Variants in MCF2L observed in about 807,000 individuals in gnomAD.
The protein encoded by MCF2L is guanine nucleotide exchange factor DBS.
Under a neutral mutation model 153.4 loss-of-function variants are expected in MCF2L, and 97 were observed. That is an observed-to-expected ratio of 0.63 (90% CI 0.54 to 0.75). The LOEUF (loss-of-function observed/expected upper bound fraction) is 0.75, where lower values mean the gene tolerates loss of function less well. MCF2L is among the 30% of genes least tolerant of loss of function. The probability of loss-of-function intolerance (pLI) is 0.00; values close to 1 mark genes in which losing one functional copy is unlikely to be tolerated. For synonymous variants in MCF2L, 659 were observed against 632.2 expected (o/e 1.04, Z -0.64); for missense variants, 1,347 against 1,495.2 (o/e 0.90, Z 1.64).
At chr13:112,898,785 C>T (rs941144325) in intron 1 of MCF2L, among the ~76,000 whole-genome samples, 3 of 152,230 alleles carry the variant, frequency 2.0e-5, no homozygotes, top group Non-Finnish European at 2.9e-5. Context: ...CCTCTGCCTC[C>T]CGCTTCTCTC....
At chr13:112,924,757 G>T (rs901218020) in intron 2 of MCF2L, among the ~76,000 whole-genome samples, 1 of 152,178 alleles carries the variant, frequency 6.6e-6, no homozygotes, top group Non-Finnish European at 1.5e-5. Flanking sequence ...AACCCACTTA[G>T]AGAAACAAAC....
At chr13:113,089,303 C>T (rs1348333172) in intron 25 of MCF2L, among the ~76,000 whole-genome samples, 1 of 143,328 alleles carries the variant, frequency 7.0e-6, no homozygotes, top group Non-Finnish European at 1.5e-5. Context: ...TGGGCATCTG[C>T]TCTCATCCAG....
At chr13:112,902,485 G>A (rs1594297103) in intron 2 of MCF2L, 2 of 1,108,330 alleles carry the variant, frequency 1.8e-6, no homozygotes, top group Non-Finnish European at 2.5e-6. Flanking sequence ...TTAGATCCTG[G>A]GAATGCATGA....
chr13:113,075,916 C>T (rs2141930762), intron 11 of MCF2L, 50 bp from the exon 12 acceptor site: 2 of 1,422,172 alleles, frequency 1.4e-6, no homozygotes, highest in Admixed American at 2.0e-5. Context: ...CAGGGTGACG[C>T]TCTCACCCTC....
Position 113,094,569 on chromosome 13 carries a change from A to G in MCF2L, c.3009A>G (p.Ser1003=). The G allele has an allele frequency of 6.2e-7, 1 of 1,612,620 alleles. No homozygotes were observed. Among genetic ancestry groups the G allele is most frequent in the African/African-American group, 1.3e-5 (1 of 75,066 alleles). ...LEAPEDDGGW[S]SAEEQINSSD... is the part of the protein sequence containing the mutation. The stretch of plus-strand genomic sequence containing the variant: ...CACCTGAGGACGACGGGGGCTGGTC[A>G]AGTGCAGAGGAGCAGATTAACTCGT... Residue 1003 remains serine (S), a synonymous_variant, in exon 27 of 30, where the codon TCA becomes TCG. Coordinates refer to ENST00000535094, the MANE Select transcript of MCF2L (RefSeq NM_001112732.3).
At chr13:112,953,815 C>T (rs538661495) in intron 2 of MCF2L, among the ~76,000 whole-genome samples, 1 of 152,330 alleles carries the variant, frequency 6.6e-6, no homozygotes, top group South Asian at 2.1e-4. Context: ...GAGCGTTCAG[C>T]CACCTGGTAG....
At position 113,098,195 on chromosome 13, in the gene MCF2L, T is replaced by TGAG. The variant is rs1401981621; in HGVS notation, c.*1337_*1338insAGG. On this transcript the variant is annotated 3_prime_UTR_variant, in exon 30 of 30. Transcript: ENST00000535094. The stretch of plus-strand genomic sequence containing the variant: ...AGCCCCAGCACAGTGGAGGCAGGCG[T>TGAG]GGCTGCATTCCCCTCACGCTACCCT... 1 of 152,518 alleles carries TGAG rather than the reference T, an allele frequency of 6.6e-6. No individual in the cohort carries two copies. The highest frequency in any genetic ancestry group is 1.5e-5 in the Non-Finnish European group (1 of 68,048). 9.4% of individuals were successfully genotyped at this position (152,518 alleles called of 1,614,324 possible).
chr13:113,001,984 G>T (rs371755391), intron 1 of MCF2L: 2 of 1,580,654 alleles, frequency 1.3e-6, no homozygotes, highest in Admixed American at 3.4e-5. Flanking sequence ...GCCGGCGCAG[G>T]TGCGTGGGGC....
At chr13:112,991,185 G>A (rs1261268805) in intron 1 of MCF2L, among the ~76,000 whole-genome samples, 1 of 152,224 alleles carries the variant, frequency 6.6e-6, no homozygotes, top group Non-Finnish European at 1.5e-5. Context: ...GGCTTTCTGC[G>A]AAATCCGGCC....
intron 26 of MCF2L, among the ~76,000 whole-genome samples, chr13:113,093,247 G>C (rs1185149092): frequency 6.6e-6 from 1 of 152,262 alleles, no homozygotes; most frequent in Admixed American, 6.5e-5. Flanking sequence ...AGGAGGCCAA[G>C]CTGCAGGTCT....
Position 112,904,371 on chromosome 13 carries a change from T to C in MCF2L, c.169+2000T>C, listed in dbSNP as rs764984448. Among the ~76,000 whole-genome samples the C allele has an allele frequency of 6.6e-6, 1 of 152,128 alleles. No individual in the cohort carries two copies. Among genetic ancestry groups the C allele is most frequent in the Non-Finnish European group, 1.5e-5 (1 of 68,008 alleles). On this transcript the variant is annotated intron_variant, in intron 2 of 29. Transcript: ENST00000375608. The surrounding 1 kb of genome is among the most constrained non-coding windows in gnomAD (Gnocchi z 4.2). ...AGAGCCTGGGCCCACGCTCTGGCTT[T>C]GTTCCTGCCCCTGCTGACCCCACAA...
Position 113,095,006 on chromosome 13 carries a change from G to A in MCF2L, c.3075+371G>A, listed in dbSNP as rs868116748. ...CCTCCTGTAGAGCCCACTCGTGGGTGCACCTTCCTCAGAGGAGACAGTCCC... is the reference window on the plus strand; with the variant it reads ...CCTCCTGTAGAGCCCACTCGTGGGTACACCTTCCTCAGAGGAGACAGTCCC... On this transcript the variant is annotated intron_variant, in intron 27 of 29. Transcript: ENST00000535094. 9 of 1,376,640 alleles carry A rather than the reference G, an allele frequency of 6.5e-6. 1 individual carries two copies. The Middle Eastern group carries it at 1.9e-3, about 285-fold the overall frequency. The allele number at this position is 1,376,640 out of a possible 1,614,324, so 85.3% of individuals were successfully genotyped here. A position where few individuals can be genotyped will look rare whatever the true frequency, so the allele number is the denominator to read the frequency against.
chr13:113,074,439 T>C lies in MCF2L; in HGVS notation c.997-5T>C. On this transcript the variant is annotated splice_polypyrimidine_tract_variant and splice_region_variant and intron_variant, in intron 9 of 29. Transcript: ENST00000535094. This position sits in a 1 kb window ranked among gnomAD's most constrained non-coding sequence, Gnocchi z 4.2. ...CCCCCTGAGATGGGCCCTCCTCTGT[T>C]CCAGGTCAAAGCCATCTTGGACGCA... The C allele has an allele frequency of 6.2e-7, 1 of 1,612,488 alleles. No individual in the cohort carries two copies. Among genetic ancestry groups the C allele is most frequent in the Non-Finnish European group, 8.5e-7 (1 of 1,178,742 alleles).
chr13:113,089,939 C>G, intron 26 of MCF2L: 1 of 1,597,464 alleles, frequency 6.3e-7, no homozygotes, highest in Non-Finnish European at 8.5e-7. Flanking sequence ...ATCAGCAAGG[C>G]CAGCCCCAGA....
At chr13:113,034,534 C>A (rs1427444808) in intron 3 of MCF2L, among the ~76,000 whole-genome samples, 4 of 152,114 alleles carry the variant, frequency 2.6e-5, no homozygotes, top group African/African-American at 9.7e-5. Context: ...TGCCCTCACC[C>A]TCACCCTCAC....
chr13:112,974,240 G>A (rs1289421586), intron 1 of MCF2L, among the ~76,000 whole-genome samples: 4 of 152,120 alleles, frequency 2.6e-5, no homozygotes, highest in Non-Finnish European at 5.9e-5. Context: ...AGAACTAGGG[G>A]CACCAGTTCC....
rs2086745090 is a variant in MCF2L at position 113,045,356 on chromosome 13, A to G, written c.364A>G (p.Ile122Val). 1 of 1,613,780 alleles carries G rather than the reference A, an allele frequency of 6.2e-7. No homozygotes were observed. The highest frequency in any genetic ancestry group is 8.5e-7 in the Non-Finnish European group (1 of 1,179,866). Residue 122 changes from isoleucine (I) to valine (V), a missense_variant, in exon 4 of 30, where the codon ATC (isoleucine) becomes GTC (valine). Physicochemically the swap from Ile to Val is conservative, Grantham distance 29. Around this residue, in one of 3 missense-constraint regions of MCF2L, gnomAD observed 820 missense variants for 921.2 expected, o/e 0.89. Coordinates refer to ENST00000535094, the MANE Select transcript of MCF2L (RefSeq NM_001112732.3). The surrounding 1 kb of genome is among the most constrained non-coding windows in gnomAD (Gnocchi z 4.2). ...CTCCGTGAAGGCGTCCGTCCTGCGCATCGCAGTAAGTGCCACCCGGGGCTC... is the reference window on the plus strand; with the variant it reads ...CTCCGTGAAGGCGTCCGTCCTGCGCGTCGCAGTAAGTGCCACCCGGGGCTC... ...WTSVKASVLR[I>V]AASFPANLQL...
chr13:113,076,077 G>A lies in MCF2L; in HGVS notation c.1420G>A (p.Glu474Lys). ...AALQEIEKFLETGAENKIQEL... is the reference protein window; with the variant it reads ...AALQEIEKFLKTGAENKIQEL... ...CCTCCAGGAAATCGAGAAGTTTTTG[G>A]AGACCGGTGCGGAAAATAAGATCCA... is the stretch of plus-strand genomic sequence containing the variant. The change falls in exon 12 of 30, where the codon GAG (glutamate) becomes AAG (lysine). Residue 474 changes from glutamate to lysine, a missense_variant. By Grantham distance (56) the Glu-to-Lys change is moderately conservative. This residue lies in a region of MCF2L where 820 missense variants were observed against 921.2 expected (regional missense o/e 0.89). Coordinates refer to ENST00000535094, the MANE Select transcript of MCF2L (RefSeq NM_001112732.3). The A allele has an allele frequency of 1.2e-6, 2 of 1,614,080 alleles. No individual in the cohort carries two copies. The highest frequency in any genetic ancestry group is 2.2e-5 in the South Asian group (2 of 91,078).
At chr13:113,063,492 A>G (rs1364721275) in intron 5 of MCF2L, among the ~76,000 whole-genome samples, 1 of 147,908 alleles carries the variant, frequency 6.8e-6, no homozygotes, top group Non-Finnish European at 1.5e-5. Flanking sequence ...GTCCCTGTCC[A>G]CACAGCTGCC....
Sources: gnomAD v4.1 joint callset for allele counts (sites outside exome capture counted in the v4.1 genomes callset) on GRCh38, gnomAD v4.1.1 for gene constraint, gnomAD v4.1.1 regional missense constraint, Gnocchi (gnomAD v3.1) non-coding constraint, MANE v1.5 for transcripts, NCBI Gene and HGNC (gene_info 2026-07-23, HGNC 2026-07-21) for gene names.